Variants in SHANK2 observed in about 807,000 individuals in gnomAD.
SHANK2 encodes the protein SH3 and multiple ankyrin repeat domains protein 2.
In SHANK2, 43 loss-of-function variants were observed where a neutral mutation model predicts 133.7. That is an observed-to-expected ratio of 0.32 (90% CI 0.25 to 0.41). The LOEUF (loss-of-function observed/expected upper bound fraction) is 0.41, where lower values mean the gene tolerates loss of function less well. Among genes scored for constraint, SHANK2 ranks in the 10% least tolerant of loss-of-function variants. SHANK2 has a pLI of 1.00. For synonymous variants in SHANK2, 1,017 were observed against 952.8 expected (o/e 1.07, Z -1.24); for missense variants, 1,994 against 2,235.8 (o/e 0.89, Z 2.18).
At position 70,654,988 on chromosome 11, in the gene SHANK2, C is replaced by T. The variant is rs573842415; in HGVS notation, c.2061+4840G>A. 8.9e-4 allele frequency among the ~76,000 whole-genome samples: 135 copies of T among 152,142 alleles called. 1 individual carries two copies. Among genetic ancestry groups the T allele is most frequent in the Middle Eastern group, 3.4e-3 (1 of 292 alleles). ...TTCATCATATTGGCCAGGCTGGTCTCGAACTCCTGACCTCAGGTGATCCAC... is the reference window on the plus strand; with the variant it reads ...TTCATCATATTGGCCAGGCTGGTCTTGAACTCCTGACCTCAGGTGATCCAC... On this transcript the variant is annotated intron_variant, in intron 17 of 25. Transcript: ENST00000601538.
intron 14 of SHANK2, among the ~76,000 whole-genome samples, chr11:70,719,182 T>C (rs1246342375): frequency 6.6e-6 from 1 of 152,212 alleles, no homozygotes; most frequent in Non-Finnish European, 1.5e-5. Flanking sequence ...CTCACTCCTT[T>C]GATTCCCGTT....
At chr11:70,765,649 G>C (rs1555041165) in intron 14 of SHANK2, among the ~76,000 whole-genome samples, 2 of 152,172 alleles carry the variant, frequency 1.3e-5, no homozygotes, top group Non-Finnish European at 2.9e-5. Flanking sequence ...CCTCAGCAAA[G>C]AGATCCAGGA....
chr11:71,186,683 T>C (rs1318715326), intron 2 of SHANK2, among the ~76,000 whole-genome samples: 1 of 152,220 alleles, frequency 6.6e-6, no homozygotes, highest in Non-Finnish European at 1.5e-5. Flanking sequence ...CACTGAGAAG[T>C]TCCCTCCAAA....
chr11:70,876,984 G>A (rs1283571931), intron 11 of SHANK2, among the ~76,000 whole-genome samples: 1 of 152,146 alleles, frequency 6.6e-6, no homozygotes, highest in African/African-American at 2.4e-5. Flanking sequence ...ACTGAGACCC[G>A]GTGAGATTCT....
At chr11:70,631,410 C>CACACACA (rs1555002193) in intron 17 of SHANK2, among the ~76,000 whole-genome samples, 10 of 69,154 alleles carry the variant, frequency 1.4e-4, no homozygotes, top group African/African-American at 2.4e-4. Context: ...ACACACACAC[C>CACACACA]CACACAACCT....
intron 14 of SHANK2, among the ~76,000 whole-genome samples, chr11:70,745,490 G>A (rs1203393867): frequency 6.6e-6 from 1 of 152,226 alleles, no homozygotes; most frequent in Non-Finnish European, 1.5e-5. Flanking sequence ...TGAAAACACA[G>A]TCTTGGCTGT....
At chr11:71,059,910 G>C (rs1950967519) in intron 9 of SHANK2, among the ~76,000 whole-genome samples, 19 of 152,208 alleles carry the variant, frequency 1.2e-4, no homozygotes. Flanking sequence ...TCTGTACAGA[G>C]TGGGGGGCTC....
At chr11:70,618,311 A>G (rs2060782971) in intron 17 of SHANK2, among the ~76,000 whole-genome samples, 1 of 152,062 alleles carries the variant, frequency 6.6e-6, no homozygotes, top group Admixed American at 6.6e-5. Flanking sequence ...AAAAAAAAAA[A>G]AAGAAATGTT....
At chr11:70,601,208 C>G (rs1302341721) in intron 17 of SHANK2, among the ~76,000 whole-genome samples, 1 of 133,882 alleles carries the variant, frequency 7.5e-6, no homozygotes, top group African/African-American at 2.9e-5. Context: ...CATGCAACCA[C>G]GCCCAGCTAA....
At chr11:70,594,268 C>T (rs951527479) in intron 17 of SHANK2, among the ~76,000 whole-genome samples, 3 of 152,180 alleles carry the variant, frequency 2.0e-5, no homozygotes, top group Admixed American at 6.5e-5. Context: ...CGACTTCATG[C>T]CAAACACGAA....
At chr11:70,933,918 A>C (rs569446313) in intron 10 of SHANK2, among the ~76,000 whole-genome samples, 327 of 151,440 alleles carry the variant, frequency 2.2e-3, no homozygotes, top group African/African-American at 7.7e-3. Context: ...AAAAAAACAA[A>C]AAACAAACAA....
intron 11 of SHANK2, among the ~76,000 whole-genome samples, chr11:70,865,433 AATGG>A (rs1555068820): frequency 6.6e-6 from 1 of 152,212 alleles, no homozygotes; most frequent in African/African-American, 2.4e-5. Flanking sequence ...AGAAGAATAC[AATGG>A]GCCCAGGAGG....
Position 70,953,775 on chromosome 11 carries a change from C to T in SHANK2, c.1108-57208G>A, listed in dbSNP as rs189348544. Among the ~76,000 whole-genome samples the T allele has an allele frequency of 2.2e-4, 33 of 152,344 alleles. No individual in the cohort carries two copies. The East Asian group carries it at 2.5e-3, about 12-fold the overall frequency. On this transcript the variant is annotated intron_variant, in intron 10 of 25. Transcript: ENST00000601538. Reference sequence around the variant, plus strand: ...CCCTCAGACACACCCAGAAACAATACTTGACCATCCCTGCGGGCATCCCTC... The same window carrying T: ...CCCTCAGACACACCCAGAAACAATATTTGACCATCCCTGCGGGCATCCCTC...
chr11:70,656,944 C>T (rs1267607136), intron 17 of SHANK2, among the ~76,000 whole-genome samples: 1 of 152,182 alleles, frequency 6.6e-6, no homozygotes, highest in African/African-American at 2.4e-5. Context: ...GAAATCATGA[C>T]AGGCACCAAG....
chr11:71,072,613 A>G (rs1951158261), intron 9 of SHANK2, among the ~76,000 whole-genome samples: 1 of 152,172 alleles, frequency 6.6e-6, no homozygotes, highest in African/African-American at 2.4e-5. Context: ...ATTATCCACG[A>G]CACTCAAAAG....
At chr11:70,694,824 T>C (rs1215849231) in intron 15 of SHANK2, among the ~76,000 whole-genome samples, 3 of 152,102 alleles carry the variant, frequency 2.0e-5, no homozygotes, top group African/African-American at 7.2e-5. Context: ...CCTCCTTCCA[T>C]GCTGCCTGCT....
chr11:70,876,275 C>CACACA (rs1297620061), intron 11 of SHANK2, among the ~76,000 whole-genome samples: 1 of 149,842 alleles, frequency 6.7e-6, no homozygotes, highest in African/African-American at 2.5e-5. Flanking sequence ...CACACACACA[C>CACACA]ACTTGGCTGG....
chr11:70,571,249 C>G (rs11825752), intron 17 of SHANK2: 1 of 152,192 alleles, frequency 6.6e-6, no homozygotes. Flanking sequence ...CTCCCCGCTG[C>G]GGGCCAAGGA....
intron 11 of SHANK2, among the ~76,000 whole-genome samples, chr11:70,867,201 G>A (rs1949378091): frequency 6.6e-6 from 1 of 152,014 alleles, no homozygotes; most frequent in African/African-American, 2.4e-5. Context: ...TCTAGAATAC[G>A]AAGGTGCCAT....
Sources: gnomAD v4.1 joint callset for allele counts (sites outside exome capture counted in the v4.1 genomes callset) on GRCh38, gnomAD v4.1.1 for gene constraint, MANE v1.5 for transcripts, NCBI Gene and HGNC (gene_info 2026-07-23, HGNC 2026-07-21) for gene names.